Variants in SMAP1 observed in about 807,000 individuals in gnomAD.
SMAP1 encodes small ArfGAP 1.
In SMAP1, 24 loss-of-function variants were observed where a neutral mutation model predicts 58.5. The observed-to-expected ratio is 0.41, with a 90% CI of 0.30 to 0.58. The LOEUF (loss-of-function observed/expected upper bound fraction) is 0.58. Among genes scored for constraint, SMAP1 ranks in the 20% least tolerant of loss-of-function variants. The pLI, the probability that SMAP1 is intolerant of heterozygous loss-of-function variation, is 0.29. For missense variants in SMAP1, 563 were observed against 566.3 expected (o/e 0.99, Z 0.06); for synonymous variants, 216 against 196.6 (o/e 1.10, Z -0.82).
At chr6:70,752,744 C>T (rs1266110230) in intron 2 of SMAP1, among the ~76,000 whole-genome samples, 1 of 151,988 alleles carries the variant, frequency 6.6e-6, no homozygotes, top group Non-Finnish European at 1.5e-5. Context: ...TCCCCTACCT[C>T]CCACCCTTTT....
chr6:70,823,146 C>T (rs536734661), intron 6 of SMAP1, among the ~76,000 whole-genome samples: 7 of 152,210 alleles, frequency 4.6e-5, no homozygotes, highest in South Asian at 2.1e-4. Context: ...GATGCTTGAT[C>T]TTTCTCTTCA....
intron 4 of SMAP1, among the ~76,000 whole-genome samples, chr6:70,777,029 A>G (rs1353611295): frequency 6.6e-6 from 1 of 152,142 alleles, no homozygotes; most frequent in East Asian, 1.9e-4. Context: ...GCTGGCTTAT[A>G]TGGTAATTCT....
intron 6 of SMAP1, among the ~76,000 whole-genome samples, chr6:70,833,596 T>C (rs940856327): frequency 6.6e-6 from 1 of 152,208 alleles, no homozygotes; most frequent in Non-Finnish European, 1.5e-5. Flanking sequence ...ATCTGACCAT[T>C]GTAGGAGCAA....
At chr6:70,716,279 C>A (rs1440105633) in intron 1 of SMAP1, among the ~76,000 whole-genome samples, 2 of 152,166 alleles carry the variant, frequency 1.3e-5, no homozygotes, top group African/African-American at 4.8e-5. Flanking sequence ...GCTATATGGT[C>A]CCATCTGGGG....
chr6:70,727,191 T>A (rs965339291), intron 1 of SMAP1, among the ~76,000 whole-genome samples: 8 of 152,022 alleles, frequency 5.3e-5, no homozygotes, highest in Non-Finnish European at 1.0e-4. Flanking sequence ...CACTGCAACC[T>A]CTGCCTTCCA....
chr6:70,815,708 GTTAGACT>G (rs904942632), intron 6 of SMAP1, among the ~76,000 whole-genome samples: 1 of 152,094 alleles, frequency 6.6e-6, no homozygotes, highest in African/African-American at 2.4e-5. Context: ...TCAAAAGGCA[GTTAGACT>G]GAAACAGGAT....
chr6:70,859,147 C>A, intron 10 of SMAP1: 1 of 515,748 alleles, frequency 1.9e-6, no homozygotes, highest in Non-Finnish European at 3.4e-6. Context: ...CTATATATCA[C>A]AGTTAATTTT....
rs551151226 is a variant in SMAP1 at position 70,831,012 on chromosome 6, A to G, written c.577-5929A>G. 8.5e-5 allele frequency among the ~76,000 whole-genome samples: 13 copies of G among 152,338 alleles called. No individual in the cohort carries two copies. In the South Asian group the frequency reaches 2.5e-3, roughly 29 times the overall value. On this transcript the variant is annotated intron_variant, in intron 6 of 10. Coordinates refer to ENST00000370455, the MANE Select transcript of SMAP1 (RefSeq NM_001044305.3). ...AGAAGAAAATTATTCTGAACTTCCTATCTTATTTCATGAGATTTGATTTTA... is the reference window on the plus strand; with the variant it reads ...AGAAGAAAATTATTCTGAACTTCCTGTCTTATTTCATGAGATTTGATTTTA...
intron 7 of SMAP1, among the ~76,000 whole-genome samples, chr6:70,849,029 T>G (rs1212435292): frequency 6.6e-6 from 1 of 152,112 alleles, no homozygotes; most frequent in Non-Finnish European, 1.5e-5. Flanking sequence ...ATCAATCACA[T>G]GGGGAGAAGA....
intron 2 of SMAP1, among the ~76,000 whole-genome samples, chr6:70,753,762 A>AT (rs1319282463): frequency 6.6e-6 from 1 of 152,006 alleles, no homozygotes; most frequent in Non-Finnish European, 1.5e-5. Flanking sequence ...TTGGAGCTTA[A>AT]TGGTAAAGCC....
intron 7 of SMAP1, among the ~76,000 whole-genome samples, chr6:70,844,174 C>G (rs935041450): frequency 6.6e-6 from 1 of 152,104 alleles, no homozygotes; most frequent in African/African-American, 2.4e-5. Flanking sequence ...GTTATACAAT[C>G]TGGTTTCATA....
intron 7 of SMAP1, among the ~76,000 whole-genome samples, chr6:70,848,797 T>C (rs1480148693): frequency 6.6e-6 from 1 of 152,214 alleles, no homozygotes; most frequent in Non-Finnish European, 1.5e-5. Flanking sequence ...CAAAATGAAT[T>C]GAAGCAATCC....
intron 4 of SMAP1, among the ~76,000 whole-genome samples, chr6:70,789,795 G>A (rs1187472468): frequency 6.6e-6 from 1 of 150,934 alleles, no homozygotes; most frequent in Non-Finnish European, 1.5e-5. Flanking sequence ...AGGATTCAAG[G>A]TTTTAGTGAG....
intron 6 of SMAP1, among the ~76,000 whole-genome samples, chr6:70,816,775 C>A (rs895032104): frequency 2.6e-5 from 4 of 152,076 alleles, no homozygotes; most frequent in Non-Finnish European, 4.4e-5. Flanking sequence ...TTTATGTTAA[C>A]CAAAAGCCTA....
intron 7 of SMAP1, among the ~76,000 whole-genome samples, chr6:70,847,189 T>A (rs941216646): frequency 6.6e-6 from 1 of 152,184 alleles, no homozygotes; most frequent in Non-Finnish European, 1.5e-5. Context: ...TTGGCTCACT[T>A]CCCAAATTGA....
intron 1 of SMAP1, among the ~76,000 whole-genome samples, chr6:70,691,260 A>G (rs903665252): frequency 5.3e-5 from 8 of 151,914 alleles, no homozygotes; most frequent in Admixed American, 2.6e-4. Context: ...CTTTATTTTC[A>G]TTGACTTTTT....
At chr6:70,740,397 G>A (rs10428835) in intron 2 of SMAP1, among the ~76,000 whole-genome samples, 75,015 of 149,830 alleles carry the variant, frequency 0.5, 18,983 homozygotes, top group African/African-American at 0.52. Flanking sequence ...CGTCTCTACT[G>A]AAAATAGAAA....
intron 1 of SMAP1, among the ~76,000 whole-genome samples, chr6:70,716,772 G>A (rs1768285022): frequency 1.3e-5 from 2 of 152,000 alleles, no homozygotes; most frequent in Admixed American, 1.3e-4. Context: ...TTTATGCATT[G>A]CTCTGTTGAG....
At chr6:70,835,209 G>T (rs1380035422) in intron 6 of SMAP1, among the ~76,000 whole-genome samples, 11 of 136,034 alleles carry the variant, frequency 8.1e-5, no homozygotes, top group Non-Finnish European at 1.7e-4. Flanking sequence ...CCAAGATTGC[G>T]CCACTGCACT....
Sources: allele counts gnomAD v4.1 joint callset (sites outside exome capture counted in the v4.1 genomes callset), GRCh38; gene constraint gnomAD v4.1.1; transcripts MANE v1.5; gene names NCBI Gene and HGNC (gene_info 2026-07-23, HGNC 2026-07-21).